Variants in SMPD3 observed in about 807,000 individuals in gnomAD.
SMPD3 encodes the protein nSMase-2.
In SMPD3, 21 loss-of-function variants were observed where a neutral mutation model predicts 55.7. The ratio of observed to expected loss-of-function variants is 0.38; its 90% CI spans 0.27 to 0.54. SMPD3 has a LOEUF of 0.54. SMPD3 is among the 20% of genes least tolerant of loss of function. SMPD3 has a pLI of 0.80. For missense variants in SMPD3, 842 were observed against 899.6 expected (o/e 0.94, Z 0.82); for synonymous variants, 457 against 404.3 (o/e 1.13, Z -1.56).
At chr16:68,425,442 A>AT (rs1477909377) in intron 1 of SMPD3, among the ~76,000 whole-genome samples, 1 of 149,506 alleles carries the variant, frequency 6.7e-6, no homozygotes, top group Non-Finnish European at 1.5e-5. Flanking sequence ...GAGGGAGCGA[A>AT]GGGGCCCAGC....
chr16:68,395,564 G>A (rs760704123), intron 1 of SMPD3, among the ~76,000 whole-genome samples: 1 of 152,210 alleles, frequency 6.6e-6, no homozygotes, highest in Non-Finnish European at 1.5e-5. Flanking sequence ...AAGCCATTGA[G>A]CAATGAGCCT....
At chr16:68,364,652 A>G (rs1368128951) in intron 5 of SMPD3, 99 bp downstream of exon 5, 16 of 1,347,014 alleles carry the variant, frequency 1.2e-5, no homozygotes. Context: ...CTCGAGGAGC[A>G]GGAATTCTTT....
At position 68,361,075 on chromosome 16, in the gene SMPD3, G is replaced by A; in HGVS notation, c.*131C>T. 7.4e-6 allele frequency: 6 copies of A among 806,158 alleles called. No homozygotes were observed. Among genetic ancestry groups the A allele is most frequent in the Non-Finnish European group, 9.7e-6 (5 of 515,322 alleles). 49.9% of individuals were successfully genotyped at this position (806,158 alleles called of 1,614,324 possible). Reference sequence around the variant, plus strand: ...AGAGCAGCGCAGCTTCCAGGTTCCCGGGCACTGACTGTGGCTCCCTCCCTG... The same window carrying A: ...AGAGCAGCGCAGCTTCCAGGTTCCCAGGCACTGACTGTGGCTCCCTCCCTG... On this transcript the variant is annotated 3_prime_UTR_variant, in exon 9 of 9. Coordinates refer to ENST00000219334, the MANE Select transcript of SMPD3 (RefSeq NM_018667.4).
chr16:68,416,267 C>G (rs7185412), intron 1 of SMPD3, among the ~76,000 whole-genome samples: 79,467 of 152,068 alleles, frequency 0.52, 22,313 homozygotes, highest in East Asian at 0.83. Context: ...AGCTCAGAGC[C>G]CGACCCTTTC....
intron 1 of SMPD3, among the ~76,000 whole-genome samples, chr16:68,416,874 G>A (rs909756354): frequency 6.6e-6 from 1 of 152,170 alleles, no homozygotes; most frequent in East Asian, 1.9e-4. Flanking sequence ...TGGGAGGCCC[G>A]TGTCGCTGGA....
At chr16:68,412,618 T>C (rs1231496507) in intron 1 of SMPD3, among the ~76,000 whole-genome samples, 3 of 152,164 alleles carry the variant, frequency 2.0e-5, no homozygotes, top group African/African-American at 7.2e-5. Context: ...CTGGTTTCAA[T>C]TACAAAGAAA....
intron 3 of SMPD3, among the ~76,000 whole-genome samples, chr16:68,367,124 C>A (rs1302613619): frequency 6.6e-6 from 1 of 152,140 alleles, no homozygotes; most frequent in African/African-American, 2.4e-5. Flanking sequence ...GCCAAGATCG[C>A]CCCATTGCAC....
intron 1 of SMPD3, among the ~76,000 whole-genome samples, chr16:68,397,456 C>A (rs12444999): frequency 6.6e-6 from 1 of 152,136 alleles, no homozygotes; most frequent in African/African-American, 2.4e-5. Context: ...ATGGGGAACA[C>A]CCCGGTCAAG....
chr16:68,405,023 T>C (rs1459995385), intron 1 of SMPD3, among the ~76,000 whole-genome samples: 2 of 152,262 alleles, frequency 1.3e-5, no homozygotes, highest in Non-Finnish European at 2.9e-5. Flanking sequence ...CTGCTGCTTT[T>C]GTTTTTACCT....
intron 1 of SMPD3, among the ~76,000 whole-genome samples, chr16:68,413,511 T>A (rs1208867831): frequency 6.6e-6 from 1 of 151,798 alleles, no homozygotes; most frequent in African/African-American, 2.4e-5. Flanking sequence ...CATTCCTTAA[T>A]CATTCAGAAA....
chr16:68,441,983 C>T (rs1597672763), intron 1 of SMPD3, among the ~76,000 whole-genome samples: 1 of 152,132 alleles, frequency 6.6e-6, no homozygotes, highest in Non-Finnish European at 1.5e-5. Context: ...CCAGGCTAGT[C>T]TTGAACTCTT....
In SMPD3 at chr16:68,434,440, A is replaced by G. The variant is rs545720640; in HGVS notation, c.-269+13913T>C. Among the ~76,000 whole-genome samples, 4 of 152,288 alleles carry G rather than the reference A, an allele frequency of 2.6e-5. No individual in the cohort carries two copies. The South Asian group carries it at 8.3e-4, about 32-fold the overall frequency. ...TGCTTGACACTGCTTATTGCCTTAA[A>G]TTGTGCTTTGTCTGATATAGCCACT... is the stretch of plus-strand genomic sequence containing the variant. On this transcript the variant is annotated intron_variant, in intron 1 of 8. Transcript: ENST00000219334.
intron 3 of SMPD3, 146 bp from the exon 4 acceptor site, chr16:68,365,238 A>G: frequency 2.6e-6 from 2 of 756,828 alleles, no homozygotes; most frequent in African/African-American, 1.7e-5. Context: ...TAGGGACAGG[A>G]TGTGTCCTGC....
chr16:68,371,207 G>A lies in SMPD3; in HGVS notation c.975C>T (p.Tyr325=). The change falls in exon 3 of 9, where the codon TAC becomes TAT. Residue 325 remains tyrosine, a synonymous_variant. Coordinates refer to ENST00000219334, the MANE Select transcript of SMPD3 (RefSeq NM_018667.4). ...GEPGANSKLL[Y]KASVVKKAAA... Reference sequence around the variant, plus strand: ...CCGCCTTCTTCACCACCGAGGCCTTGTACAGGAGCTTGCTGTTGGCACCTG... The same window carrying A: ...CCGCCTTCTTCACCACCGAGGCCTTATACAGGAGCTTGCTGTTGGCACCTG... 6.2e-7 allele frequency: 1 copy of A among 1,610,486 alleles called. No homozygotes were observed. The highest frequency in any genetic ancestry group is 8.5e-7 in the Non-Finnish European group (1 of 1,178,664).
chr16:68,408,865 C>A (rs2090273543), intron 1 of SMPD3, among the ~76,000 whole-genome samples: 1 of 152,178 alleles, frequency 6.6e-6, no homozygotes, highest in Middle Eastern at 3.2e-3. Flanking sequence ...AGCTCACAAA[C>A]TAAAAACAGG....
Position 68,361,887 on chromosome 16 carries a change from A to G in SMPD3, c.1710-128T>C, listed in dbSNP as rs2089291315. The G allele has an allele frequency of 4.7e-5, 64 of 1,359,318 alleles. No homozygotes were observed. In the South Asian group the frequency reaches 6.9e-4, roughly 15 times the overall value. 84.2% of individuals were successfully genotyped at this position (1,359,318 alleles called of 1,614,324 possible). A position where few individuals can be genotyped will look rare whatever the true frequency, so the allele number is the denominator to read the frequency against. ...TGGGTGGGACCAAAGCGCTGGGTTT[A>G]AGATCTCTCCCCTGCGGGTCCAAAA... On this transcript the variant is annotated intron_variant, in intron 7 of 8. Transcript: ENST00000219334.
intron 2 of SMPD3, among the ~76,000 whole-genome samples, chr16:68,372,987 G>T (rs2089713467): frequency 6.6e-6 from 1 of 152,218 alleles, no homozygotes; most frequent in Non-Finnish European, 1.5e-5. Flanking sequence ...GGCTGTCACT[G>T]TGGCCCCAGC....
chr16:68,377,994 C>T (rs56149658), intron 2 of SMPD3, among the ~76,000 whole-genome samples: 265 of 152,314 alleles, frequency 1.7e-3, no homozygotes, highest in Non-Finnish European at 2.8e-3. Context: ...CCCACTTTGG[C>T]GCTAGGATGA....
At chr16:68,372,848 T>C (rs1326853817) in intron 2 of SMPD3, among the ~76,000 whole-genome samples, 2 of 152,208 alleles carry the variant, frequency 1.3e-5, no homozygotes, top group Middle Eastern at 3.4e-3. Context: ...CCACTTGTCA[T>C]GGAGTGCCTG....
Sources: allele counts gnomAD v4.1 joint callset (sites outside exome capture counted in the v4.1 genomes callset), GRCh38; gene constraint gnomAD v4.1.1; transcripts MANE v1.5; gene names NCBI Gene and HGNC (gene_info 2026-07-23, HGNC 2026-07-21).